NARS1: variants seen among roughly 807,000 people sequenced by gnomAD.
The protein encoded by NARS1 is asparaginyl-tRNA synthetase 1, also known as asparagine--tRNA ligase, cytoplasmic.
NARS1 carries 65 observed loss-of-function variants against 79.2 expected under a neutral mutation model. That is an observed-to-expected ratio of 0.82 (90% CI 0.67 to 1.01). The LOEUF (loss-of-function observed/expected upper bound fraction) is 1.01, where lower values mean the gene tolerates loss of function less well. Ranked by LOEUF, NARS1 falls within the 50% of genes least tolerant of loss-of-function variation. The pLI is 0.00. For synonymous variants in NARS1, 229 were observed against 238.8 expected (o/e 0.96, Z 0.38); for missense variants, 649 against 673.8 (o/e 0.96, Z 0.41).
rs749803662 is a variant in NARS1, at chr18:57,607,631, C to G, written c.614G>C (p.Trp205Ser). Residue 205 changes from tryptophan (W) to serine (S), a missense_variant, in exon 8 of 14, where the codon TGG (tryptophan) becomes TCG (serine). Trp to Ser is a radical substitution (Grantham distance 177). Coordinates refer to ENST00000256854, the MANE Select transcript of NARS1 (RefSeq NM_004539.4). Reference sequence around the variant, plus strand: ...AGCAGGGGCCAACCCAATTAGTTCCCAGAAGTCACAACTCAGCTCATGGCC... The same window carrying G: ...AGCAGGGGCCAACCCAATTAGTTCCGAGAAGTCACAACTCAGCTCATGGCC... ...PGGHELSCDF[W>S]ELIGLAPAGG... 6.2e-7 allele frequency: 1 copy of G among 1,613,926 alleles called. No homozygotes were observed. The highest frequency in any genetic ancestry group is 1.1e-5 in the South Asian group (1 of 91,074).
At chr18:57,608,420 A>G (rs1156642557) in intron 7 of NARS1, among the ~76,000 whole-genome samples, 1 of 129,946 alleles carries the variant, frequency 7.7e-6, no homozygotes, top group Non-Finnish European at 1.6e-5. Flanking sequence ...CTGCGCAACA[A>G]GAGCGAAACT....
Position 57,607,588 on chromosome 18 carries a change from C to G in NARS1, c.657G>C (p.Leu219=), listed in dbSNP as rs2051569994. The change falls in exon 8 of 14, where the codon CTG becomes CTC. Residue 219 remains leucine, a synonymous_variant. Transcript: ENST00000256854. Reference sequence around the variant, plus strand: ...CATCAACGTCAGACTCCTCATTGATCAGGTTGTCAGCTCCTCCAGCAGGGG... The same window carrying G: ...CATCAACGTCAGACTCCTCATTGATGAGGTTGTCAGCTCCTCCAGCAGGGG... ...GLAPAGGADN[L]INEESDVDVQ... 1 of 1,613,964 alleles carries G rather than the reference C, an allele frequency of 6.2e-7. No individual in the cohort carries two copies. The highest frequency in any genetic ancestry group is 1.7e-5 in the Admixed American group (1 of 59,994).
chr18:57,617,701 G>A (rs112664231), intron 2 of NARS1, among the ~76,000 whole-genome samples: 23,474 of 151,582 alleles, frequency 0.15, 2,107 homozygotes, highest in Non-Finnish European at 0.2. Flanking sequence ...CGGATCATGA[G>A]GTCAGGAGTT....
Position 57,601,758 on chromosome 18 carries a change from C to T in NARS1, c.1541G>A (p.Gly514Glu). ...DQRKYGTCPH[G>E]GYGLGLERFL... The stretch of plus-strand genomic sequence containing the variant: ...TCGTTCCAAGCCCAAGCCATATCCT[C>T]CATGGGGACATGTACCGTATTTTCT... The change falls in exon 14 of 14, where the codon GGA becomes GAA. Residue 514 changes from glycine to glutamate, a missense_variant. Transcript: ENST00000256854. 1.1e-5 allele frequency: 18 copies of T among 1,613,436 alleles called. No individual in the cohort carries two copies. Among genetic ancestry groups the T allele is most frequent in the Non-Finnish European group, 1.5e-5 (18 of 1,179,464 alleles).
chr18:57,603,029 C>T (rs2051523408), intron 11 of NARS1, 86 bp from the exon 12 acceptor site: 1 of 1,353,440 alleles, frequency 7.4e-7, no homozygotes, highest in Non-Finnish European at 1.0e-6. Context: ...CCAGTCCTTC[C>T]TCCTATCAAT....
At chr18:57,603,564 C>T (rs1456030610) in intron 11 of NARS1, among the ~76,000 whole-genome samples, 1 of 152,226 alleles carries the variant, frequency 6.6e-6, no homozygotes, top group Non-Finnish European at 1.5e-5. Context: ...GACTTAAGCG[C>T]ATCAGTTTCT....
At position 57,617,510 on chromosome 18, in the gene NARS1, T is replaced by C. The variant is rs1908098791; in HGVS notation, c.94-1535A>G. Among the ~76,000 whole-genome samples the C allele has an allele frequency of 2.0e-5, 3 of 146,582 alleles. No individual in the cohort carries two copies. The South Asian group carries it at 6.4e-4, about 31-fold the overall frequency. ...TGGCGTGAACCTGGGAGGCGGAGCT[T>C]GCAGTGAGCCGAGATCGCACCACTG... On this transcript the variant is annotated intron_variant, in intron 2 of 13. Transcript: ENST00000256854.
chr18:57,609,261 C>A (rs2051585679), intron 7 of NARS1, 96 bp downstream of exon 7: 1 of 984,012 alleles, frequency 1.0e-6, no homozygotes, highest in Non-Finnish European at 1.6e-6. Context: ...CTCTGAAGAA[C>A]CCTAATACAT....
intron 2 of NARS1, among the ~76,000 whole-genome samples, chr18:57,617,692 G>A (rs1159578235): frequency 9.2e-5 from 14 of 151,916 alleles, no homozygotes; most frequent in East Asian, 3.9e-4. Flanking sequence ...CGAGGTGGGC[G>A]GATCATGAGG....
chr18:57,619,054 A>C (rs985965518), intron 2 of NARS1, among the ~76,000 whole-genome samples: 5 of 152,200 alleles, frequency 3.3e-5, no homozygotes, highest in Non-Finnish European at 5.9e-5. Flanking sequence ...TTAACAAAAA[A>C]AGGGGATGCA....
At chr18:57,615,374 C>A (rs1309120978) in intron 4 of NARS1, among the ~76,000 whole-genome samples, 1 of 151,730 alleles carries the variant, frequency 6.6e-6, no homozygotes, top group East Asian at 1.9e-4. Context: ...TGGTGGCGGG[C>A]GCCTGTAGTC....
At chr18:57,616,554 T>C (rs1908038213) in intron 2 of NARS1, among the ~76,000 whole-genome samples, 1 of 152,054 alleles carries the variant, frequency 6.6e-6, no homozygotes, top group Admixed American at 6.6e-5. Context: ...CAACAGATCT[T>C]AAGTGGCTGT....
intron 2 of NARS1, among the ~76,000 whole-genome samples, chr18:57,619,266 A>ACTTTT (rs1908191042): frequency 8.1e-6 from 1 of 123,756 alleles, no homozygotes; most frequent in African/African-American, 3.1e-5. Context: ...TGCCTGGCTA[A>ACTTTT]TTTTTTTTTT....
chr18:57,607,388 A>G, intron 8 of NARS1, 55 bp from the exon 9 acceptor site: 4 of 1,610,968 alleles, frequency 2.5e-6, no homozygotes, highest in Non-Finnish European at 3.4e-6. Context: ...CCACTATTCA[A>G]GTTTCAAAAC....
chr18:57,613,441 C>T (rs1284181374), intron 5 of NARS1, among the ~76,000 whole-genome samples, 161 bp downstream of exon 5: 1 of 151,890 alleles, frequency 6.6e-6, no homozygotes, highest in Non-Finnish European at 1.5e-5. Context: ...TGCAGTGAGC[C>T]GAGATAGCAC....
chr18:57,607,399 G>T, intron 8 of NARS1, 45 bp downstream of exon 8: 4 of 1,609,756 alleles, frequency 2.5e-6, no homozygotes, highest in South Asian at 2.2e-5. Flanking sequence ...GTTTCAAAAC[G>T]GCAAAAAACA....
At chr18:57,606,465 A>G (rs1485764752) in intron 10 of NARS1, 151 bp downstream of exon 10, 5 of 694,182 alleles carry the variant, frequency 7.2e-6, no homozygotes, top group Non-Finnish European at 1.2e-5. Flanking sequence ...AAAATTATTG[A>G]CAGTGACTAA....
At chr18:57,620,022 G>C (rs1445558122) in intron 2 of NARS1, among the ~76,000 whole-genome samples, 2 of 152,128 alleles carry the variant, frequency 1.3e-5, no homozygotes, top group Non-Finnish European at 2.9e-5. Context: ...CTTTGAGAAT[G>C]AGCTAAACTC....
chr18:57,605,024 G>A (rs1286839301), intron 11 of NARS1, among the ~76,000 whole-genome samples: 1 of 150,930 alleles, frequency 6.6e-6, no homozygotes, highest in African/African-American at 2.4e-5. Context: ...TTAACCAATG[G>A]CTATCTTCTT....
Sources: gnomAD v4.1 joint callset for allele counts (sites outside exome capture counted in the v4.1 genomes callset) on GRCh38, gnomAD v4.1.1 for gene constraint, MANE v1.5 for transcripts, NCBI Gene and HGNC (gene_info 2026-07-23, HGNC 2026-07-21) for gene names.